The following SHANK1 variants were observed in gnomAD, a reference collection of about 807,000 sequenced individuals.
SHANK1 encodes SH3 and multiple ankyrin repeat domains protein 1.
A neutral mutation model predicts 165.6 loss-of-function variants in SHANK1; 35 were observed. That is an observed-to-expected ratio of 0.21 (90% confidence interval 0.16 to 0.28). The LOEUF (loss-of-function observed/expected upper bound fraction) is 0.28, where lower values mean the gene tolerates loss of function less well. Ranked by LOEUF, SHANK1 falls within the 10% of genes least tolerant of loss-of-function variation. The probability of loss-of-function intolerance (pLI) is 1.00; values close to 1 mark genes in which losing one functional copy is unlikely to be tolerated. For missense variants in SHANK1, 2,681 were observed against 3,036.4 expected, an observed-to-expected ratio of 0.88 and a Z score of 2.75; for synonymous variants, 1,428 against 1,384.8, an observed-to-expected ratio of 1.03 and a Z score of -0.69.
Position 50,716,175 on chromosome 19 carries a change from C to A in SHANK1, c.459+100G>T. On this transcript the variant is annotated intron_variant, in intron 3 of 23. Transcript: ENST00000293441. The surrounding 1 kb of genome is among the most constrained non-coding windows in gnomAD (Gnocchi z 8.4). ...AGGTCTGGACTCGCACACTGGGTGC[C>A]CCCTCGTTAAGGTTTCGAGTGTGTT... is the stretch of plus-strand genomic sequence containing the variant. 9.0e-7 allele frequency: 1 copy of A among 1,107,130 alleles called. No individual in the cohort carries two copies. The highest frequency in any genetic ancestry group is 1.4e-6 in the Non-Finnish European group (1 of 737,212). The allele number at this position is 1,107,130 out of a possible 1,614,324, so 68.6% of individuals were successfully genotyped here.
chr19:50,704,250 A>G, intron 9 of SHANK1, 64 bp from the exon 10 acceptor site: 1 of 1,534,468 alleles, frequency 6.5e-7, no homozygotes, highest in Non-Finnish European at 9.0e-7. Flanking sequence ...AGGGCAGGGA[A>G]CGTGGCGAGG....
chr19:50,688,998 G>T lies in SHANK1; in HGVS notation c.2048-30C>A. The T allele has an allele frequency of 6.7e-7, 1 of 1,487,766 alleles. No homozygotes were observed. Among genetic ancestry groups the T allele is most frequent in the Non-Finnish European group, 9.2e-7 (1 of 1,092,736 alleles). 92.2% of individuals were successfully genotyped at this position (1,487,766 alleles called of 1,614,324 possible). A position where few individuals can be genotyped will look rare whatever the true frequency, so the allele number is the denominator to read the frequency against. ...AGACAGGGAGGAGCCGGCGGGGTCGGAGGGGAGGGGGTGGAGAGGCCGAGC... is the reference window on the plus strand; with the variant it reads ...AGACAGGGAGGAGCCGGCGGGGTCGTAGGGGAGGGGGTGGAGAGGCCGAGC... On this transcript the variant is annotated intron_variant, in intron 16 of 23. Coordinates refer to ENST00000293441, the MANE Select transcript of SHANK1 (RefSeq NM_016148.5). The surrounding 1 kb of genome is among the most constrained non-coding windows in gnomAD (Gnocchi z 6.7).
At position 50,690,950 on chromosome 19, in the gene SHANK1, T is replaced by C. The variant is rs1445500931; in HGVS notation, c.1965-1671A>G. 6.6e-6 allele frequency among the ~76,000 whole-genome samples: 1 copy of C among 152,182 alleles called. No homozygotes were observed. The highest frequency in any genetic ancestry group is 1.5e-5 in the Non-Finnish European group (1 of 68,032). ...CATTTGCACCATGGCGACAGGGTTC[T>C]GGATGTGCACGTGTCCTCCCTTCCT... On this transcript the variant is annotated intron_variant, in intron 15 of 23. Transcript: ENST00000293441. This position sits in a 1 kb window ranked among gnomAD's most constrained non-coding sequence, Gnocchi z 4.9.
chr19:50,666,732 G>C lies in SHANK1; in HGVS notation c.5228C>G (p.Pro1743Arg). The change falls in exon 23 of 24, where the codon CCC becomes CGC. Residue 1743 changes from proline to arginine, a missense_variant. Pro to Arg is a moderately radical substitution (Grantham distance 103). This residue lies in a region of SHANK1 where 1,713 missense variants were observed against 1,630.2 expected (regional missense o/e 1.05). Transcript: ENST00000293441. ...GAGCTGAGGAGGGTATGGCGGGCCG[G>C]GAGTACTGCTGCCCCCAAAGGCCTG... ...DGQAFGGSST[P>R]GPPYPPQLMT... The C allele has an allele frequency of 6.4e-7, 1 of 1,568,782 alleles. No homozygotes were observed.
intron 19 of SHANK1, 44 bp downstream of exon 19, chr19:50,687,538 C>T: frequency 6.7e-7 from 1 of 1,485,266 alleles, no homozygotes; most frequent in Non-Finnish European, 9.1e-7. Flanking sequence ...CCCTCCTTCC[C>T]CTCTCCCCCC....
chr19:50,694,928 G>A (rs1451054818), intron 15 of SHANK1, among the ~76,000 whole-genome samples: 1 of 150,586 alleles, frequency 6.6e-6, no homozygotes, highest in Non-Finnish European at 1.5e-5. Context: ...ACGCTGCGCC[G>A]CCGGGGCCCC....
At position 50,717,204 on chromosome 19, in the gene SHANK1, G is replaced by A. The variant is rs1032684742; in HGVS notation, c.-43-242C>T. 2.6e-5 allele frequency among the ~76,000 whole-genome samples: 4 copies of A among 152,192 alleles called. No individual in the cohort carries two copies. The highest frequency in any genetic ancestry group is 6.5e-5 in the Admixed American group (1 of 15,290). On this transcript the variant is annotated intron_variant, in intron 1 of 23. Transcript: ENST00000293441. This position sits in a 1 kb window ranked among gnomAD's most constrained non-coding sequence, Gnocchi z 5.5. ...TGTCTCCTTCCCTGCCCTTGGCCCC[G>A]CTTGCAGCCCGCCCCCTGCGCCCCA...
Position 50,703,582 on chromosome 19 carries a change from T to TGCTGGCACTTCGGAGGGTCCC in SHANK1, c.1450_1470dup (p.Gly484_Ser490dup). The TGCTGGCACTTCGGAGGGTCCC allele has an allele frequency of 6.4e-7, 1 of 1,558,168 alleles. No individual in the cohort carries two copies. Among genetic ancestry groups the TGCTGGCACTTCGGAGGGTCCC allele is most frequent in the Non-Finnish European group, 8.7e-7 (1 of 1,155,304 alleles). ...GAGCGGGCCCTGGCACCCCGGGGGC[T>TGCTGGCACTTCGGAGGGTCCC]GCTGGCACTTCGGAGGGTCCCGCTG... is the stretch of plus-strand genomic sequence containing the variant. On this transcript the variant is annotated inframe_insertion, in exon 11 of 24. Coordinates refer to ENST00000293441, the MANE Select transcript of SHANK1 (RefSeq NM_016148.5).
chr19:50,685,384 C>T (rs932729731), intron 21 of SHANK1, among the ~76,000 whole-genome samples: 2 of 152,182 alleles, frequency 1.3e-5, no homozygotes, highest in South Asian at 2.1e-4. Context: ...GGCTAACAAC[C>T]TCGTGTACCT....
chr19:50,691,608 G>A (rs1182555021), intron 15 of SHANK1, among the ~76,000 whole-genome samples: 1 of 152,254 alleles, frequency 6.6e-6, no homozygotes, highest in Non-Finnish European at 1.5e-5. Flanking sequence ...TTCACAGATA[G>A]ATCATTAAAT....
At chr19:50,700,557 G>C (rs1466582975) in intron 12 of SHANK1, among the ~76,000 whole-genome samples, 2 of 152,022 alleles carry the variant, frequency 1.3e-5, no homozygotes, top group Non-Finnish European at 2.9e-5. Context: ...AAGACTCTGG[G>C]CTGTGATTCT....
In SHANK1 at chr19:50,662,216, T is replaced by C. The variant is rs1240379106; in HGVS notation, c.6235A>G (p.Thr2079Ala). Residue 2079 changes from threonine to alanine, a missense_variant, in exon 24 of 24, where the codon ACC (threonine) becomes GCC (alanine). Thr to Ala is a moderately conservative substitution (Grantham distance 58, BLOSUM62 0). Around this residue, in one of 10 missense-constraint regions of SHANK1, gnomAD observed 1,713 missense variants for 1,630.2 expected, o/e 1.05. Coordinates refer to ENST00000293441, the MANE Select transcript of SHANK1 (RefSeq NM_016148.5). The surrounding 1 kb of genome is among the most constrained non-coding windows in gnomAD (Gnocchi z 7.7). ...LSGASRSLSP[T>A]RLLSLPPDKP... ...TCCGGGGGCAGCGAGAGCAGGCGGG[T>C]CGGTGAGAGGGAGCGCGAGGCCCCT... The C allele has an allele frequency of 6.2e-7, 1 of 1,607,946 alleles. No individual in the cohort carries two copies. Among genetic ancestry groups the C allele is most frequent in the Non-Finnish European group, 8.5e-7 (1 of 1,176,288 alleles).
Position 50,675,061 on chromosome 19 carries a change from CAAAAAAAAAA to C in SHANK1, c.2578-2957_2578-2948del, listed in dbSNP as rs10560370. On this transcript the variant is annotated intron_variant, in intron 21 of 23. Coordinates refer to ENST00000293441, the MANE Select transcript of SHANK1 (RefSeq NM_016148.5). ...TGGGTGATAGAGCAACACTCGGTCT[CAAAAAAAAAA>C]AAAAAAAAAAAAAATTAACCAGGCA... Among the ~76,000 whole-genome samples the C allele has an allele frequency of 2.2e-4, 19 of 85,700 alleles. No individual in the cohort carries two copies. The East Asian group carries it at 5.5e-3, about 25-fold the overall frequency. The allele number at this position is 85,700 out of a possible 152,430, so 56.2% of individuals were successfully genotyped here. A position where few individuals can be genotyped will look rare whatever the true frequency, so the allele number is the denominator to read the frequency against.
chr19:50,659,351 A>G lies in SHANK1; in HGVS notation c.*2614T>C, dbSNP rs1985093129. Reference sequence around the variant, plus strand: ...TCTTGGTGGGGAGTCAGGGGAAGGGAGGTGATGGGGGGTAGGAATGAACCC... The same window carrying G: ...TCTTGGTGGGGAGTCAGGGGAAGGGGGGTGATGGGGGGTAGGAATGAACCC... On this transcript the variant is annotated 3_prime_UTR_variant, in exon 24 of 24. Transcript: ENST00000293441. The G allele has an allele frequency of 7.5e-6, 3 of 398,016 alleles. No individual in the cohort carries two copies. The East Asian group carries it at 1.1e-4, about 15-fold the overall frequency. The allele number at this position is 398,016 out of a possible 1,614,324, so 24.7% of individuals were successfully genotyped here.
intron 21 of SHANK1, among the ~76,000 whole-genome samples, chr19:50,683,406 A>G (rs1986235625): frequency 6.6e-6 from 1 of 152,190 alleles, no homozygotes; most frequent in Non-Finnish European, 1.5e-5. Flanking sequence ...TGTTTTATGC[A>G]TGTTTCTGTT....
Position 50,668,550 on chromosome 19 carries a change from GA to G in SHANK1, c.3409del (p.Ser1137ProfsTer206). ...PPAPSPTSPA[S>X]PQPPPAVAAP... Reference sequence around the variant, plus strand: ...GGCCACGGCGGGCGGCGGCTGCGGGGAGGCCGGGGACGTGGGCGACGGCGCG... The same window carrying G: ...GGCCACGGCGGGCGGCGGCTGCGGGGGGCCGGGGACGTGGGCGACGGCGCG... On this transcript the variant is annotated frameshift_variant, in exon 23 of 24. Coordinates refer to ENST00000293441, the MANE Select transcript of SHANK1 (RefSeq NM_016148.5). LOFTEE classifies it high-confidence loss of function. 7.4e-7 allele frequency: 1 copy of G among 1,353,562 alleles called. No individual in the cohort carries two copies. Among genetic ancestry groups the G allele is most frequent in the Non-Finnish European group, 9.5e-7 (1 of 1,053,728 alleles). 83.8% of individuals were successfully genotyped at this position (1,353,562 alleles called of 1,614,324 possible).
Position 50,712,112 on chromosome 19 carries a change from C to T in SHANK1, c.795G>A (p.Ala265=), listed in dbSNP as rs35701530. 471 of 1,580,888 alleles carry T rather than the reference C, an allele frequency of 3.0e-4. No individual in the cohort carries two copies. The African/African-American group carries it at 4.4e-3, about 15-fold the overall frequency. Residue 265 remains alanine, a splice_region_variant and synonymous_variant, in exon 7 of 24, where the codon GCG becomes GCA. Coordinates refer to ENST00000293441, the MANE Select transcript of SHANK1 (RefSeq NM_016148.5). The part of the protein sequence containing the change: ...ACARHCLALT[A]LLDLGGSPNY... ...TGGGGGAACCCCCAAGGTCCAGGAG[C>T]GCCTAGGAACGGAGAGAGAACCCAG...
chr19:50,703,911 T>C, intron 10 of SHANK1, 81 bp from the exon 11 acceptor site: 1 of 672,502 alleles, frequency 1.5e-6, no homozygotes, highest in Non-Finnish European at 2.4e-6. Flanking sequence ...CAAGAGATGG[T>C]GGGAGAGAGG....
chr19:50,668,789 C>G lies in SHANK1; in HGVS notation c.3171G>C (p.Pro1057=). The part of the protein sequence containing the change: ...LRGWRGGGPS[P]TPGAPSPSHH... ...GCGATGGGGACGGGGCCCCCGGGGT[C>G]GGGCTGGGCCCGCCGCCCCTCCAGC... The change falls in exon 23 of 24, where the codon CCG becomes CCC. Residue 1057 remains proline (P), a synonymous_variant. Coordinates refer to ENST00000293441, the MANE Select transcript of SHANK1 (RefSeq NM_016148.5). 3 of 1,265,826 alleles carry G rather than the reference C, an allele frequency of 2.4e-6. No homozygotes were observed. Among genetic ancestry groups the G allele is most frequent in the Non-Finnish European group, 2.0e-6 (2 of 1,011,350 alleles). 78.4% of individuals were successfully genotyped at this position (1,265,826 alleles called of 1,614,324 possible).
Sources: allele counts gnomAD v4.1 joint callset (sites outside exome capture counted in the v4.1 genomes callset), GRCh38; gene constraint gnomAD v4.1.1; regional missense constraint gnomAD v4.1.1; non-coding constraint Gnocchi (gnomAD v3.1); transcripts MANE v1.5; gene names NCBI Gene and HGNC (gene_info 2026-07-23, HGNC 2026-07-21).